MCOLN3: variants seen among roughly 807,000 people sequenced by gnomAD.
MCOLN3 encodes the protein mucolipin TRP cation channel 3.
MCOLN3 carries 62 observed loss-of-function variants against 69.4 expected under a neutral mutation model. The ratio of observed to expected loss-of-function variants is 0.89; its 90% confidence interval spans 0.73 to 1.10. MCOLN3 has a LOEUF of 1.10. MCOLN3 is among the 50% of genes least tolerant of loss of function. The pLI, the probability that MCOLN3 is intolerant of heterozygous loss-of-function variation, is 0.00. For missense variants in MCOLN3, 564 were observed against 656.4 expected, an observed-to-expected ratio of 0.86 and a Z score of 1.54; for synonymous variants, 183 against 217.0, an observed-to-expected ratio of 0.84 and a Z score of 1.38.
chr1:85,033,730 A>G (rs949027354), intron 4 of MCOLN3, among the ~76,000 whole-genome samples: 1 of 152,192 alleles, frequency 6.6e-6, no homozygotes, highest in African/African-American at 2.4e-5. Context: ...CTATCTATTA[A>G]TACTTCACTG....
intron 1 of MCOLN3, among the ~76,000 whole-genome samples, chr1:85,046,078 C>T (rs897894944): frequency 4.6e-5 from 7 of 152,134 alleles, no homozygotes; most frequent in Non-Finnish European, 1.0e-4. Flanking sequence ...TAGGGTCTAG[C>T]GCTAAGCAGA....
chr1:85,021,857 A>G (rs1267890825), intron 11 of MCOLN3, among the ~76,000 whole-genome samples: 1 of 152,204 alleles, frequency 6.6e-6, no homozygotes, highest in East Asian at 1.9e-4. Context: ...TACCTGATAT[A>G]TTGCAAGAAA....
chr1:85,045,134 T>C lies in MCOLN3; in HGVS notation c.227A>G (p.Gln76Arg). 2 of 1,612,082 alleles carry C rather than the reference T, an allele frequency of 1.2e-6. No homozygotes were observed. Among genetic ancestry groups the C allele is most frequent in the East Asian group, 2.2e-5 (1 of 44,860 alleles). ...QILKIAMVTIQLVLFGLSNQM... is the reference protein window; with the variant it reads ...QILKIAMVTIRLVLFGLSNQM... ...AAACTCATGATCTGAGATGCTTACC[T>C]GGATAGTCACCATTGCAATTTTTAG... The change falls in exon 2 of 13, where the codon CAG (glutamine) becomes CGG (arginine). Residue 76 changes from glutamine (Q) to arginine (R), a missense_variant and splice_region_variant. Coordinates refer to ENST00000370589, the MANE Select transcript of MCOLN3 (RefSeq NM_018298.11).
chr1:85,037,335 A>T (rs1181594713), intron 3 of MCOLN3, among the ~76,000 whole-genome samples: 1 of 152,086 alleles, frequency 6.6e-6, no homozygotes, highest in African/African-American at 2.4e-5. Context: ...TGGGAGGTAA[A>T]CTGGGAAAGG....
intron 12 of MCOLN3, among the ~76,000 whole-genome samples, 196 bp from the exon 13 acceptor site, chr1:85,019,453 GC>G: frequency 6.6e-6 from 1 of 152,294 alleles, no homozygotes; most frequent in East Asian, 1.9e-4. Flanking sequence ...CTGGGATTCT[GC>G]AGCTGCCTAC....
intron 3 of MCOLN3, among the ~76,000 whole-genome samples, chr1:85,039,640 T>C (rs1276191114): frequency 1.3e-5 from 2 of 152,126 alleles, no homozygotes; most frequent in Non-Finnish European, 1.5e-5. Context: ...AATACTACAT[T>C]TTGAAGACTG....
chr1:85,020,975 CCAT>C, intron 12 of MCOLN3, 92 bp downstream of exon 12: 1 of 842,958 alleles, frequency 1.2e-6, no homozygotes, highest in East Asian at 2.7e-5. Flanking sequence ...AATTAACATT[CCAT>C]CAACTTTTCT....
In MCOLN3 at chr1:85,032,959, G is replaced by C; in HGVS notation, c.551-3C>G. ...ATCTGGCTCCACAAAGAAACACTCTGCCATAGAAAGGAACAAAAACATGAT... is the reference window on the plus strand; with the variant it reads ...ATCTGGCTCCACAAAGAAACACTCTCCCATAGAAAGGAACAAAAACATGAT... On this transcript the variant is annotated splice_polypyrimidine_tract_variant and splice_region_variant and intron_variant, in intron 4 of 12. Coordinates refer to ENST00000370589, the MANE Select transcript of MCOLN3 (RefSeq NM_018298.11). The C allele has an allele frequency of 6.2e-7, 1 of 1,613,568 alleles. No homozygotes were observed.
intron 2 of MCOLN3, among the ~76,000 whole-genome samples, chr1:85,044,143 T>C (rs976048993): frequency 9.2e-5 from 14 of 152,164 alleles, no homozygotes; most frequent in African/African-American, 1.2e-4. Context: ...AATGAAATAA[T>C]GTACTGGAAC....
At chr1:85,043,268 G>A (rs927811798) in intron 2 of MCOLN3, among the ~76,000 whole-genome samples, 1 of 152,072 alleles carries the variant, frequency 6.6e-6, no homozygotes, top group East Asian at 1.9e-4. Flanking sequence ...TGTAGCTCAC[G>A]CCTGTAATCC....
chr1:85,035,355 C>G (rs55663547), intron 3 of MCOLN3, among the ~76,000 whole-genome samples: 1 of 152,156 alleles, frequency 6.6e-6, no homozygotes, highest in Non-Finnish European at 1.5e-5. Context: ...CTGACAGCTT[C>G]CAAATTTGCA....
chr1:85,023,897 A>T (rs1249664688), intron 9 of MCOLN3, among the ~76,000 whole-genome samples: 3 of 152,156 alleles, frequency 2.0e-5, no homozygotes, highest in African/African-American at 7.2e-5. Flanking sequence ...ACAAAAAGGG[A>T]GTGCTTGGCA....
At chr1:85,032,638 A>G in intron 6 of MCOLN3, 58 bp downstream of exon 6, 4 of 1,216,820 alleles carry the variant, frequency 3.3e-6, no homozygotes, top group Non-Finnish European at 4.9e-6. Flanking sequence ...ATGAAACATT[A>G]CCAGATAAAA....
intron 2 of MCOLN3, among the ~76,000 whole-genome samples, chr1:85,041,956 T>A (rs924390960): frequency 6.7e-6 from 1 of 149,148 alleles, no homozygotes; most frequent in Non-Finnish European, 1.5e-5. Context: ...TCTCTCTCTC[T>A]CTCACACACA....
intron 7 of MCOLN3, among the ~76,000 whole-genome samples, chr1:85,027,543 T>C (rs947403392): frequency 1.3e-5 from 2 of 152,106 alleles, no homozygotes; most frequent in Admixed American, 6.5e-5. Flanking sequence ...TTTGGGAGCT[T>C]GTTAGAGATG....
intron 6 of MCOLN3, among the ~76,000 whole-genome samples, chr1:85,030,221 T>C (rs527992834): frequency 6.6e-6 from 1 of 152,362 alleles, no homozygotes; most frequent in Non-Finnish European, 1.5e-5. Flanking sequence ...AGCCATGCTT[T>C]TCCTACACAA....
chr1:85,019,091 A>G lies in MCOLN3; in HGVS notation c.*32T>C. On this transcript the variant is annotated 3_prime_UTR_variant, in exon 13 of 13. Transcript: ENST00000370589. ...GTGTTCCAACTCAGCTACACATTAT[A>G]TTTTCCTCTAAAGTACAGATAAACC... 1 of 1,601,064 alleles carries G rather than the reference A, an allele frequency of 6.2e-7. No homozygotes were observed. The highest frequency in any genetic ancestry group is 8.5e-7 in the Non-Finnish European group (1 of 1,170,766).
At chr1:85,039,376 A>G (rs909614388) in intron 3 of MCOLN3, among the ~76,000 whole-genome samples, 2 of 152,206 alleles carry the variant, frequency 1.3e-5, no homozygotes, top group Non-Finnish European at 2.9e-5. Flanking sequence ...TAGCCAGGCC[A>G]TTTTGTCCTT....
chr1:85,043,748 T>G (rs1388658868), intron 2 of MCOLN3, among the ~76,000 whole-genome samples: 1 of 152,200 alleles, frequency 6.6e-6, no homozygotes, highest in African/African-American at 2.4e-5. Context: ...TGCCAAGTAT[T>G]TGGCTGAGAA....
Sources: allele counts gnomAD v4.1 joint callset (sites outside exome capture counted in the v4.1 genomes callset), GRCh38; gene constraint gnomAD v4.1.1; transcripts MANE v1.5; gene names NCBI Gene and HGNC (gene_info 2026-07-23, HGNC 2026-07-21).